KIRREL2: variants seen among roughly 807,000 people sequenced by gnomAD.
The protein encoded by KIRREL2 is kin of IRRE-like protein 2.
KIRREL2 carries 56 observed loss-of-function variants against 73.4 expected under a neutral mutation model. The observed-to-expected ratio is 0.76, with a 90% CI of 0.62 to 0.95. The LOEUF (loss-of-function observed/expected upper bound fraction) is 0.95. Ranked by LOEUF, KIRREL2 falls within the 40% of genes least tolerant of loss-of-function variation. The pLI, the probability that KIRREL2 is intolerant of heterozygous loss-of-function variation, is 0.00. For synonymous variants in KIRREL2, 407 were observed against 404.0 expected, an observed-to-expected ratio of 1.01 and a Z score of -0.09; for missense variants, 896 against 935.0, an observed-to-expected ratio of 0.96 and a Z score of 0.54.
chr19:35,866,759 G>A lies in KIRREL2; in HGVS notation c.*267G>A. The stretch of plus-strand genomic sequence containing the variant: ...AGATGGCAGGTAGGCCCTTTGAGGA[G>A]AGATGGGGACAGGGCAGTGGGTGTT... On this transcript the variant is annotated 3_prime_UTR_variant, in exon 15 of 15. Transcript: ENST00000360202. The A allele has an allele frequency of 1.7e-6, 1 of 576,770 alleles. No homozygotes were observed. Among genetic ancestry groups the A allele is most frequent in the South Asian group, 2.3e-5 (1 of 43,768 alleles). The allele number at this position is 576,770 out of a possible 1,614,324, so 35.7% of individuals were successfully genotyped here.
intron 9 of KIRREL2, 114 bp from the exon 10 acceptor site, chr19:35,861,427 G>A: frequency 6.9e-7 from 1 of 1,449,604 alleles, no homozygotes; most frequent in Non-Finnish European, 9.5e-7. Flanking sequence ...TTTGGAGGCG[G>A]CGTGGCCTGA....
intron 13 of KIRREL2, among the ~76,000 whole-genome samples, 169 bp from the exon 14 acceptor site, chr19:35,864,478 CT>C (rs1412053889): frequency 6.6e-6 from 1 of 152,170 alleles, no homozygotes; most frequent in Admixed American, 6.5e-5. Context: ...GCATGAGCCA[CT>C]GTGCTGGCTT....
rs780588825 is a variant in KIRREL2, at chr19:35,861,254, G to A, written c.1189G>A (p.Ala397Thr). The A allele has an allele frequency of 6.5e-7, 1 of 1,526,926 alleles. No individual in the cohort carries two copies. The highest frequency in any genetic ancestry group is 1.3e-5 in the South Asian group (1 of 78,076). The allele number at this position is 1,526,926 out of a possible 1,614,324, so 94.6% of individuals were successfully genotyped here. A position where few individuals can be genotyped will look rare whatever the true frequency, so the allele number is the denominator to read the frequency against. Residue 397 changes from alanine to threonine, a missense_variant and splice_region_variant, in exon 9 of 15, where the codon GCT becomes ACT. Ala to Thr is a moderately conservative substitution (Grantham distance 58). Transcript: ENST00000360202. Reference sequence around the variant, plus strand: ...CGCGGAGGCTCGGCTGACTGTGAACGGTGAGAAGGCGGGGCTTCCTAGGGG... The same window carrying A: ...CGCGGAGGCTCGGCTGACTGTGAACAGTGAGAAGGCGGGGCTTCCTAGGGG... ...GAAEARLTVNAPPVVTALHSA... is the reference protein window; with the variant it reads ...GAAEARLTVNTPPVVTALHSA...
chr19:35,851,620 C>A, upstream of KIRREL2: 3 of 1,614,028 alleles, frequency 1.9e-6, no homozygotes, highest in Non-Finnish European at 2.5e-6. Context: ...GGTTTTCAGG[C>A]AGGGCCCAGA....
At chr19:35,851,509 G>A, upstream of KIRREL2, 2 of 1,613,754 alleles carry the variant, frequency 1.2e-6, no homozygotes, top group Non-Finnish European at 1.7e-6. Flanking sequence ...GGATCCTGGG[G>A]TCGGGGCCCA....
intron 2 of KIRREL2, 26 bp downstream of exon 2, chr19:35,857,520 A>G (rs1389589361): frequency 6.6e-7 from 1 of 1,521,972 alleles, no homozygotes; most frequent in Admixed American, 2.2e-5. Flanking sequence ...CCACGCTGGG[A>G]CGGGCTGGCT....
At position 35,860,989 on chromosome 19, in the gene KIRREL2, G is replaced by A. The variant is rs769907828; in HGVS notation, c.1009G>A (p.Gly337Arg). ...CGCTTCCTTCAGCTGCGCCTGGCGC[G>A]GGAACCCGCTTCCACGGGTAACCTG... is the stretch of plus-strand genomic sequence containing the variant. ...EDASFSCAWR[G>R]NPLPRVTWTR... Residue 337 changes from glycine (G) to arginine (R), a missense_variant, in exon 8 of 15, where the codon GGG (glycine) becomes AGG (arginine). Transcript: ENST00000360202. 3 of 1,613,052 alleles carry A rather than the reference G, an allele frequency of 1.9e-6. No homozygotes were observed. The African/African-American group carries it at 4.0e-5, about 22-fold the overall frequency.
At position 35,857,370 on chromosome 19, in the gene KIRREL2, G is replaced by C; in HGVS notation, c.87G>C (p.Gln29His). 6.2e-7 allele frequency: 1 copy of C among 1,612,872 alleles called. No individual in the cohort carries two copies. Among genetic ancestry groups the C allele is most frequent in the Non-Finnish European group, 8.5e-7 (1 of 1,180,034 alleles). The change falls in exon 2 of 15, where the codon CAG (glutamine) becomes CAC (histidine). Residue 29 changes from glutamine to histidine, a missense_variant. Coordinates refer to ENST00000360202, the MANE Select transcript of KIRREL2 (RefSeq NM_199180.4). ...RAGPSPHFLQ[Q>H]PEDLVVLLGE... ...GCCCGTCGCCCCATTTCCTGCAACA[G>C]CCAGAGGACCTGGTGGTGCTGCTGG...
chr19:35,853,679 ATT>A (rs1342124328), upstream of KIRREL2, among the ~76,000 whole-genome samples: 1 of 144,436 alleles, frequency 6.9e-6, no homozygotes, highest in Non-Finnish European at 1.5e-5. Context: ...ATTTTTTAAA[ATT>A]TGTTTGTAGA....
rs1236873540 is a variant in KIRREL2, at chr19:35,861,821, A to C, written c.1307A>C (p.Glu436Ala). The change falls in exon 11 of 15, where the codon GAG (glutamate) becomes GCG (alanine). Residue 436 changes from glutamate to alanine, a missense_variant. Transcript: ENST00000360202. ...APDAVVWSWD[E>A]GFLEAGSQGR... ...TGCCCCCAGGTCTGGTCTTGGGATG[A>C]GGGCTTCCTGGAGGCGGGGTCGCAG... 6.3e-7 allele frequency: 1 copy of C among 1,587,766 alleles called. No individual in the cohort carries two copies.
At chr19:35,860,460 A>C in intron 6 of KIRREL2, 58 bp downstream of exon 6, 3 of 1,605,334 alleles carry the variant, frequency 1.9e-6, no homozygotes, top group Non-Finnish European at 1.7e-6. Flanking sequence ...AAGGGCTGGG[A>C]CCTGAGTAGG....
chr19:35,852,485 C>T (rs1052693711), upstream of KIRREL2, among the ~76,000 whole-genome samples: 2 of 152,146 alleles, frequency 1.3e-5, no homozygotes, highest in African/African-American at 4.8e-5. Context: ...TGCTCTCTGA[C>T]CCAGCTTGAG....
chr19:35,854,244 G>A (rs146736372), upstream of KIRREL2, among the ~76,000 whole-genome samples: 41 of 152,126 alleles, frequency 2.7e-4, no homozygotes, highest in Admixed American at 5.2e-4. Flanking sequence ...CTCCCATCTC[G>A]GCCTCCCAAA....
chr19:35,858,457 C>T lies in KIRREL2; in HGVS notation c.261C>T (p.Asp87=). Residue 87 remains aspartate (D), a synonymous_variant, in exon 3 of 15, where the codon GAC becomes GAT. Transcript: ENST00000360202. The part of the protein sequence containing the change: ...ISGNAANGQH[D]LHIRPVELED... ...GGAATGCAGCCAATGGCCAGCATGA[C>T]CTCCACATTAGGCCCGTGGAGCTAG... 6.2e-7 allele frequency: 1 copy of T among 1,614,156 alleles called. No homozygotes were observed.
At chr19:35,861,428 C>G in intron 9 of KIRREL2, 113 bp from the exon 10 acceptor site, 3 of 1,444,450 alleles carry the variant, frequency 2.1e-6, no homozygotes, top group Non-Finnish European at 2.8e-6. Context: ...TTGGAGGCGG[C>G]GTGGCCTGAT....
At chr19:35,864,413 C>T (rs1599871869) in intron 13 of KIRREL2, among the ~76,000 whole-genome samples, 1 of 151,698 alleles carries the variant, frequency 6.6e-6, no homozygotes, top group Non-Finnish European at 1.5e-5. Flanking sequence ...TGGTCTCAAA[C>T]TTCTGGCCTC....
In KIRREL2 at chr19:35,864,710, C is replaced by A. The variant is rs1309682953; in HGVS notation, c.1788C>A (p.Thr596=). 6.2e-7 allele frequency: 1 copy of A among 1,610,582 alleles called. No homozygotes were observed. Among genetic ancestry groups the A allele is most frequent in the Non-Finnish European group, 8.5e-7 (1 of 1,176,868 alleles). Residue 596 remains threonine, a synonymous_variant, in exon 14 of 15, where the codon ACC becomes ACA. Transcript: ENST00000360202. ...LVLEEEGTLE[T]KDPTNGYYKV... ...TGGAGGAGGAAGGGACTCTGGAGACCAAGGTGAGTGTTGAGAGGGGTGGGG... is the reference window on the plus strand; with the variant it reads ...TGGAGGAGGAAGGGACTCTGGAGACAAAGGTGAGTGTTGAGAGGGGTGGGG...
upstream of KIRREL2, among the ~76,000 whole-genome samples, chr19:35,852,177 C>T (rs1137844): frequency 6.7e-6 from 1 of 150,244 alleles, no homozygotes; most frequent in Non-Finnish European, 1.5e-5. Flanking sequence ...CATCCTCCCA[C>T]CTTGGCCTCC....
rs143964977 is a variant in KIRREL2 at position 35,858,416 on chromosome 19, C to T, written c.220C>T (p.Arg74Trp). The change falls in exon 3 of 15, where the codon CGG (arginine) becomes TGG (tryptophan). Residue 74 changes from arginine (R) to tryptophan (W), a missense_variant. Physicochemically the swap from Arg to Trp is moderately radical, Grantham distance 101. Coordinates refer to ENST00000360202, the MANE Select transcript of KIRREL2 (RefSeq NM_199180.4). Reference protein sequence around the residue: ...GGQRDLPGWSRYWISGNAANG... With the variant: ...GGQRDLPGWSWYWISGNAANG... The stretch of plus-strand genomic sequence containing the variant: ...CTTCTCCCTGACTCCAGGGTGGTCC[C>T]GGTACTGGATATCAGGGAATGCAGC... 1.2e-5 allele frequency: 19 copies of T among 1,613,694 alleles called. No individual in the cohort carries two copies. The highest frequency in any genetic ancestry group is 3.3e-5 in the South Asian group (3 of 91,084).
Sources: allele counts gnomAD v4.1 joint callset (sites outside exome capture counted in the v4.1 genomes callset), GRCh38; gene constraint gnomAD v4.1.1; transcripts MANE v1.5; gene names NCBI Gene and HGNC (gene_info 2026-07-23, HGNC 2026-07-21).